Variants in SPATA16 observed in about 807,000 individuals in gnomAD.
SPATA16 encodes the protein spermatogenesis associated 16.
SPATA16 carries 36 observed loss-of-function variants against 63.3 expected under a neutral mutation model. That is an observed-to-expected ratio of 0.57 (90% CI 0.44 to 0.75). The LOEUF is 0.75. Among genes scored for constraint, SPATA16 ranks in the 30% least tolerant of loss-of-function variants. The probability of loss-of-function intolerance (pLI) is 0.00; values close to 1 mark genes in which losing one functional copy is unlikely to be tolerated. For missense variants in SPATA16, 646 were observed against 679.3 expected, an observed-to-expected ratio of 0.95 and a Z score of 0.54; for synonymous variants, 203 against 216.7, an observed-to-expected ratio of 0.94 and a Z score of 0.56.
At chr3:173,123,386 A>G (rs1298646147) in intron 1 of SPATA16, among the ~76,000 whole-genome samples, 1 of 152,292 alleles carries the variant, frequency 6.6e-6, no homozygotes, top group South Asian at 2.1e-4. Flanking sequence ...TGCTTTTTAG[A>G]TAATAGGATA....
At chr3:172,929,010 C>G (rs1202134954) in intron 6 of SPATA16, among the ~76,000 whole-genome samples, 2 of 152,252 alleles carry the variant, frequency 1.3e-5, no homozygotes, top group East Asian at 3.9e-4. Flanking sequence ...ATTTTGTGCT[C>G]ATAAACCTCT....
intron 6 of SPATA16, among the ~76,000 whole-genome samples, chr3:172,952,020 A>G (rs1437549249): frequency 4.6e-5 from 7 of 152,148 alleles, no homozygotes; most frequent in Non-Finnish European, 8.8e-5. Context: ...TGAAAGCTTC[A>G]TAATTGTATT....
chr3:173,129,015 T>C (rs943977323), intron 1 of SPATA16, among the ~76,000 whole-genome samples: 1 of 152,376 alleles, frequency 6.6e-6, no homozygotes. Flanking sequence ...AGAAACACTT[T>C]AAAGTCTAAA....
At chr3:173,015,871 TG>T in intron 4 of SPATA16, among the ~76,000 whole-genome samples, 1 of 151,740 alleles carries the variant, frequency 6.6e-6, no homozygotes, top group Non-Finnish European at 1.5e-5. Flanking sequence ...GGTGTGTGTG[TG>T]TGTGTGTGTG....
intron 1 of SPATA16, among the ~76,000 whole-genome samples, chr3:173,120,493 T>C (rs1409149797): frequency 6.6e-6 from 1 of 152,166 alleles, no homozygotes; most frequent in East Asian, 1.9e-4. Flanking sequence ...CCCAGGTATC[T>C]TATCTTATTG....
At chr3:173,105,208 G>A (rs1318401582) in intron 2 of SPATA16, among the ~76,000 whole-genome samples, 1 of 152,158 alleles carries the variant, frequency 6.6e-6, no homozygotes, top group South Asian at 2.1e-4. Context: ...CTAAGTTTTA[G>A]TTGGCATCCT....
At chr3:172,978,200 C>A (rs1734214282) in intron 4 of SPATA16, among the ~76,000 whole-genome samples, 1 of 151,672 alleles carries the variant, frequency 6.6e-6, no homozygotes, top group East Asian at 1.9e-4. Context: ...TGGAAAGAAG[C>A]TGCCCACTGA....
intron 4 of SPATA16, among the ~76,000 whole-genome samples, chr3:173,011,319 A>T (rs1057108261): frequency 6.6e-6 from 1 of 152,260 alleles, no homozygotes; most frequent in South Asian, 2.1e-4. Flanking sequence ...CCATATTATC[A>T]TCTAAATAGA....
In SPATA16 at chr3:172,925,455, G is replaced by T. The variant is rs1329185905; in HGVS notation, c.1119C>A (p.Asp373Glu). The change falls in exon 7 of 11, where the codon GAC becomes GAA. Residue 373 changes from aspartate to glutamate, a missense_variant. Asp to Glu is a conservative substitution (Grantham distance 45, BLOSUM62 2). Coordinates refer to ENST00000351008, the MANE Select transcript of SPATA16 (RefSeq NM_031955.6). ...ATTGTTGGGGAGGAAAAGATGACCA[G>T]TCAACTGTCTGAGGCAACATGTGGA... ...QALHMLPQTVDWSSFPPQQYL... is the reference protein window; with the variant it reads ...QALHMLPQTVEWSSFPPQQYL... 6.2e-7 allele frequency: 1 copy of T among 1,614,030 alleles called. No individual in the cohort carries two copies. Among genetic ancestry groups the T allele is most frequent in the Non-Finnish European group, 8.5e-7 (1 of 1,179,948 alleles).
chr3:172,898,732 T>C (rs1470257431), intron 10 of SPATA16, among the ~76,000 whole-genome samples: 1 of 151,734 alleles, frequency 6.6e-6, no homozygotes, highest in African/African-American at 2.4e-5. Flanking sequence ...TTAATCCTTA[T>C]TGTTTTCTTC....
chr3:173,002,999 A>G (rs555678939), intron 4 of SPATA16, among the ~76,000 whole-genome samples: 1 of 152,326 alleles, frequency 6.6e-6, no homozygotes, highest in Admixed American at 6.5e-5. Flanking sequence ...ATATTGAAGA[A>G]GATTTTTTTA....
At chr3:173,125,969 A>G (rs1296604247) in intron 1 of SPATA16, among the ~76,000 whole-genome samples, 1 of 152,234 alleles carries the variant, frequency 6.6e-6, no homozygotes, top group Non-Finnish European at 1.5e-5. Flanking sequence ...AAAATTAGGC[A>G]ATCACCTAAA....
chr3:173,134,718 G>T (rs142793314), intron 1 of SPATA16, among the ~76,000 whole-genome samples: 14 of 152,254 alleles, frequency 9.2e-5, no homozygotes, highest in Middle Eastern at 6.8e-3. Flanking sequence ...CAGGTATTCT[G>T]CTATAGCAAC....
chr3:173,037,571 TGTAA>T (rs1306066203), intron 3 of SPATA16, among the ~76,000 whole-genome samples: 1 of 152,034 alleles, frequency 6.6e-6, no homozygotes, highest in Non-Finnish European at 1.5e-5. Flanking sequence ...TCTATCCAAT[TGTAA>T]AATTATTTTG....
intron 6 of SPATA16, among the ~76,000 whole-genome samples, chr3:172,932,172 T>A (rs1349833408): frequency 6.6e-6 from 1 of 152,232 alleles, no homozygotes; most frequent in Non-Finnish European, 1.5e-5. Flanking sequence ...CTGTATTTTC[T>A]GTTGGACACC....
chr3:172,969,379 C>T (rs1733994897), intron 5 of SPATA16, among the ~76,000 whole-genome samples: 1 of 152,154 alleles, frequency 6.6e-6, no homozygotes, highest in African/African-American at 2.4e-5. Context: ...TACCTTTGCA[C>T]ATAGGGCAGT....
chr3:172,997,348 GCATTTCCCTGATGA>G (rs1734716870), intron 4 of SPATA16, among the ~76,000 whole-genome samples: 1 of 152,032 alleles, frequency 6.6e-6, no homozygotes, highest in African/African-American at 2.4e-5. Context: ...GTTTTAATTT[GCATTTCCCTGATGA>G]CATATGATGT....
At chr3:172,933,635 G>A (rs1267878787) in intron 6 of SPATA16, among the ~76,000 whole-genome samples, 2 of 152,194 alleles carry the variant, frequency 1.3e-5, no homozygotes, top group African/African-American at 4.8e-5. Flanking sequence ...AGAGTGGTGA[G>A]AGATAGTAAG....
At chr3:173,044,365 T>C (rs1277712304) in intron 3 of SPATA16, among the ~76,000 whole-genome samples, 4 of 152,198 alleles carry the variant, frequency 2.6e-5, no homozygotes, top group African/African-American at 9.6e-5. Flanking sequence ...TTTAGCATTC[T>C]CCAAACTGAT....
Sources: gnomAD v4.1 joint callset for allele counts (sites outside exome capture counted in the v4.1 genomes callset) on GRCh38, gnomAD v4.1.1 for gene constraint, MANE v1.5 for transcripts, NCBI Gene and HGNC (gene_info 2026-07-23, HGNC 2026-07-21) for gene names.